PPFIA3: variants seen among roughly 807,000 people sequenced by gnomAD.
PPFIA3 encodes liprin-alpha-3.
PPFIA3 carries 26 observed loss-of-function variants against 145.8 expected under a neutral mutation model. The ratio of observed to expected loss-of-function variants is 0.18; its 90% CI spans 0.13 to 0.25. PPFIA3 has a LOEUF of 0.25. Ranked by LOEUF, PPFIA3 falls within the 10% of genes least tolerant of loss-of-function variation. The probability of loss-of-function intolerance (pLI) is 1.00; values close to 1 mark genes in which losing one functional copy is unlikely to be tolerated. For missense variants in PPFIA3, 1,008 were observed against 1,587.8 expected, an observed-to-expected ratio of 0.63 and a Z score of 6.21; for synonymous variants, 645 against 661.4, an observed-to-expected ratio of 0.98 and a Z score of 0.38.
intron 21 of PPFIA3, 168 bp from the exon 22 acceptor site, chr19:49,145,775 C>T: frequency 1.5e-6 from 1 of 655,132 alleles, no homozygotes; most frequent in East Asian, 2.7e-5. Flanking sequence ...TTGCCTGGTA[C>T]ATGGCAGGTG....
Position 49,142,653 on chromosome 19 carries a change from C to A in PPFIA3, c.2545-151C>A, listed in dbSNP as rs1352587193. On this transcript the variant is annotated intron_variant, in intron 20 of 29. Transcript: ENST00000334186. The stretch of plus-strand genomic sequence containing the variant: ...CCTCATCTCGTCCACGTCTCTTTTC[C>A]TTGTCCTGTTTCTTCTCCTTGCGAA... 1.1e-4 allele frequency: 50 copies of A among 445,880 alleles called. No homozygotes were observed. In the East Asian group the frequency reaches 3.1e-3, roughly 28 times the overall value. 27.6% of individuals were successfully genotyped at this position (445,880 alleles called of 1,614,324 possible). A position where few individuals can be genotyped will look rare whatever the true frequency, so the allele number is the denominator to read the frequency against.
At chr19:49,121,309 C>CTATTTATT (rs148221402) in intron 1 of PPFIA3, among the ~76,000 whole-genome samples, 1 of 151,950 alleles carries the variant, frequency 6.6e-6, no homozygotes, top group African/African-American at 2.4e-5. Context: ...TTCTTTCTTT[C>CTATTTATT]TATTTATTTA....
At chr19:49,146,492 C>T (rs1399381000) in intron 23 of PPFIA3, 3 of 491,406 alleles carry the variant, frequency 6.1e-6, no homozygotes, top group Non-Finnish European at 1.1e-5. Flanking sequence ...GACTGAGCAG[C>T]CGGTGTCCCT....
At chr19:49,140,465 C>G (rs1362484582) in intron 18 of PPFIA3, among the ~76,000 whole-genome samples, 1 of 151,178 alleles carries the variant, frequency 6.6e-6, no homozygotes, top group Non-Finnish European at 1.5e-5. Context: ...TCTCCTGCCT[C>G]GGCCTCTTGA....
chr19:49,136,809 G>A lies in PPFIA3; in HGVS notation c.1751G>A (p.Gly584Glu), dbSNP rs754923382. 5 of 1,593,154 alleles carry A rather than the reference G, an allele frequency of 3.1e-6. No individual in the cohort carries two copies. Among genetic ancestry groups the A allele is most frequent in the South Asian group, 2.3e-5 (2 of 87,516 alleles). Residue 584 changes from glycine (G) to glutamate (E), a missense_variant, in exon 15 of 30, where the codon GGG (glycine) becomes GAG (glutamate). Transcript: ENST00000334186. ...LDGSDEEEAE[G>E]MFGAELLSPS... ...GGCTCCGATGAGGAGGAGGCAGAGG[G>A]GATGTTTGGGGCCGAGCTGCTGTCC...
In PPFIA3 at chr19:49,149,172, A is replaced by G; in HGVS notation, c.3285+4A>G. ...GATCCCCACGCAGAATGCACAGGTG[A>G]GCTGCCGCTGGGCCCGGAGCATGCT... On this transcript the variant is annotated splice_donor_region_variant and intron_variant, in intron 26 of 29. Transcript: ENST00000334186. This position sits in a 1 kb window ranked among gnomAD's most constrained non-coding sequence, Gnocchi z 5.7. The G allele has an allele frequency of 6.2e-7, 1 of 1,613,884 alleles. No homozygotes were observed. The highest frequency in any genetic ancestry group is 8.5e-7 in the Non-Finnish European group (1 of 1,179,894).
chr19:49,136,215 T>C (rs780473809), intron 14 of PPFIA3, among the ~76,000 whole-genome samples: 6 of 151,610 alleles, frequency 4.0e-5, no homozygotes, highest in Non-Finnish European at 2.9e-5. Context: ...AGCTGAGTCA[T>C]GGGAATCAGG....
Position 49,128,776 on chromosome 19 carries a change from T to G in PPFIA3, c.343-72T>G. The G allele has an allele frequency of 7.2e-7, 1 of 1,398,088 alleles. No homozygotes were observed. 86.6% of individuals were successfully genotyped at this position (1,398,088 alleles called of 1,614,324 possible). A position where few individuals can be genotyped will look rare whatever the true frequency, so the allele number is the denominator to read the frequency against. ...TTTTCCTCCATGTGTCCGCCCTACCTGTCACCCTTTTTCTCACATCTGCCC... is the reference window on the plus strand; with the variant it reads ...TTTTCCTCCATGTGTCCGCCCTACCGGTCACCCTTTTTCTCACATCTGCCC... On this transcript the variant is annotated intron_variant, in intron 3 of 29. Coordinates refer to ENST00000334186, the MANE Select transcript of PPFIA3 (RefSeq NM_003660.4). This position sits in a 1 kb window ranked among gnomAD's most constrained non-coding sequence, Gnocchi z 4.1.
intron 4 of PPFIA3, 57 bp from the exon 5 acceptor site, chr19:49,129,323 A>G: frequency 6.6e-7 from 1 of 1,524,102 alleles, no homozygotes; most frequent in Admixed American, 2.0e-5. Flanking sequence ...GACCAGGGGC[A>G]ACTGTCCTAA....
At chr19:49,125,988 A>G (rs1223252299) in intron 1 of PPFIA3, among the ~76,000 whole-genome samples, 1 of 151,032 alleles carries the variant, frequency 6.6e-6, no homozygotes, top group Non-Finnish European at 1.5e-5. Flanking sequence ...GTCTCTCTAT[A>G]TCGCCAAGCT....
chr19:49,127,306 G>A (rs1410890762), intron 1 of PPFIA3, among the ~76,000 whole-genome samples: 2 of 148,690 alleles, frequency 1.3e-5, no homozygotes, highest in African/African-American at 5.0e-5. Context: ...TGCTTGAACC[G>A]GGACCCGGGA....
chr19:49,131,644 C>T (rs865993878), intron 7 of PPFIA3, among the ~76,000 whole-genome samples: 16 of 151,822 alleles, frequency 1.1e-4, no homozygotes, highest in South Asian at 8.3e-4. Flanking sequence ...GGCAACATAG[C>T]GAGACCCCGT....
intron 1 of PPFIA3, among the ~76,000 whole-genome samples, chr19:49,121,518 G>A (rs781590746): frequency 3.3e-5 from 5 of 151,816 alleles, no homozygotes; most frequent in East Asian, 3.9e-4. Context: ...GGCTCATGCC[G>A]GTAATCCCAG....
Position 49,149,417 on chromosome 19 carries a change from G to C in PPFIA3, c.3354+92G>C. The stretch of plus-strand genomic sequence containing the variant: ...CGGGGCCTGACTATTAATGGTCACG[G>C]TTGGAGGCGGGGCCAGGAGAGGGGC... On this transcript the variant is annotated intron_variant, in intron 27 of 29. Coordinates refer to ENST00000334186, the MANE Select transcript of PPFIA3 (RefSeq NM_003660.4). This position sits in a 1 kb window ranked among gnomAD's most constrained non-coding sequence, Gnocchi z 5.7. The C allele has an allele frequency of 6.3e-7, 1 of 1,588,716 alleles. No individual in the cohort carries two copies. Among genetic ancestry groups the C allele is most frequent in the Admixed American group, 1.7e-5 (1 of 59,684 alleles).
At chr19:49,135,356 AC>A (rs1329963824) in intron 13 of PPFIA3, among the ~76,000 whole-genome samples, 2 of 145,602 alleles carry the variant, frequency 1.4e-5, no homozygotes, top group Non-Finnish European at 1.5e-5. Context: ...CTGGTTTTTT[AC>A]CCTGACTTTA....
At chr19:49,127,013 C>G (rs2041006619) in intron 1 of PPFIA3, among the ~76,000 whole-genome samples, 1 of 141,180 alleles carries the variant, frequency 7.1e-6, no homozygotes, top group Admixed American at 7.8e-5. Context: ...GGCACAGGCA[C>G]AGTGGCATAC....
chr19:49,141,300 C>T (rs1007716521), intron 18 of PPFIA3, 120 bp from the exon 19 acceptor site: 1 of 680,776 alleles, frequency 1.5e-6, no homozygotes, highest in Non-Finnish European at 2.6e-6. Context: ...CCTCGATGTG[C>T]CCTCACTCAC....
At chr19:49,138,985 T>C (rs562531119) in intron 16 of PPFIA3, among the ~76,000 whole-genome samples, 114 of 150,420 alleles carry the variant, frequency 7.6e-4, no homozygotes, top group African/African-American at 2.6e-3. Flanking sequence ...AAAAAAAAAG[T>C]TTCTGTGACA....
In PPFIA3 at chr19:49,141,465, T is replaced by C; in HGVS notation, c.2414T>C (p.Leu805Pro). 2.5e-6 allele frequency: 4 copies of C among 1,614,094 alleles called. No homozygotes were observed. Among genetic ancestry groups the C allele is most frequent in the Non-Finnish European group, 2.5e-6 (3 of 1,180,004 alleles). ...ACACTGGCCACTGACCCTCTGGGGCTAGCCAAGCTGACAGGCCCAGGAGAC... is the reference window on the plus strand; with the variant it reads ...ACACTGGCCACTGACCCTCTGGGGCCAGCCAAGCTGACAGGCCCAGGAGAC... Reference protein sequence around the residue: ...DETLATDPLGLAKLTGPGDKD... With the variant: ...DETLATDPLGPAKLTGPGDKD... The change falls in exon 19 of 30, where the codon CTA becomes CCA. Residue 805 changes from leucine to proline, a missense_variant. Leu to Pro is a moderately conservative substitution (Grantham distance 98). Around this residue, in one of 11 missense-constraint regions of PPFIA3, gnomAD observed 154 missense variants for 369.2 expected, o/e 0.42. Transcript: ENST00000334186.
Sources: allele counts gnomAD v4.1 joint callset (sites outside exome capture counted in the v4.1 genomes callset), GRCh38; gene constraint gnomAD v4.1.1; regional missense constraint gnomAD v4.1.1; non-coding constraint Gnocchi (gnomAD v3.1); transcripts MANE v1.5; gene names NCBI Gene and HGNC (gene_info 2026-07-23, HGNC 2026-07-21).